The following SLC14A2 variants were observed in gnomAD, a reference collection of about 807,000 sequenced individuals.
The protein encoded by SLC14A2 is urea transporter 2.
A neutral mutation model predicts 104.6 loss-of-function variants in SLC14A2; 91 were observed. That is an observed-to-expected ratio of 0.87 (90% CI 0.73 to 1.04). The LOEUF (loss-of-function observed/expected upper bound fraction) is 1.04, where lower values mean the gene tolerates loss of function less well. Ranked by LOEUF, SLC14A2 falls within the 50% of genes least tolerant of loss-of-function variation. The pLI, the probability that SLC14A2 is intolerant of heterozygous loss-of-function variation, is 0.00. For synonymous variants in SLC14A2, 476 were observed against 466.4 expected (o/e 1.02, Z -0.27); for missense variants, 1,189 against 1,156.0 (o/e 1.03, Z -0.41).
intron 10 of SLC14A2, among the ~76,000 whole-genome samples, chr18:45,662,292 A>G (rs954143410): frequency 1.3e-5 from 2 of 151,540 alleles, no homozygotes; most frequent in African/African-American, 2.4e-5. Context: ...ACAGAGCAAG[A>G]CTCCGTCTTA....
intron 1 of SLC14A2, among the ~76,000 whole-genome samples, chr18:45,247,190 CT>C (rs1194042920): frequency 6.6e-6 from 1 of 152,218 alleles, no homozygotes; most frequent in Non-Finnish European, 1.5e-5. Flanking sequence ...TATTTCGGCA[CT>C]GTTAGCAGAA....
chr18:45,673,558 C>A (rs529082346), intron 17 of SLC14A2, 125 bp from the exon 18 acceptor site: 6 of 1,072,444 alleles, frequency 5.6e-6, no homozygotes, highest in Non-Finnish European at 8.0e-6. Flanking sequence ...GCCAGAAGTC[C>A]TTTTTGTATA....
intron 1 of SLC14A2, among the ~76,000 whole-genome samples, chr18:45,263,658 T>C (rs538903938): frequency 3.9e-5 from 6 of 152,328 alleles, no homozygotes; most frequent in East Asian, 3.9e-4. Flanking sequence ...GTTTCTCCTA[T>C]GTTTTTTAAG....
chr18:45,536,520 A>C (rs2043786664), intron 2 of SLC14A2, among the ~76,000 whole-genome samples: 1 of 152,164 alleles, frequency 6.6e-6, no homozygotes, highest in African/African-American at 2.4e-5. Context: ...CTCTGTCTTC[A>C]CATGGCCTTC....
At chr18:45,317,344 A>G (rs926102014) in intron 1 of SLC14A2, among the ~76,000 whole-genome samples, 7 of 152,200 alleles carry the variant, frequency 4.6e-5, no homozygotes, top group African/African-American at 1.2e-4. Flanking sequence ...ACATCATGCT[A>G]TGTTCTCAAA....
chr18:45,214,425 C>T (rs1329941924), intron 1 of SLC14A2, among the ~76,000 whole-genome samples: 2 of 152,148 alleles, frequency 1.3e-5, no homozygotes, highest in African/African-American at 4.8e-5. Flanking sequence ...TTTCATTATG[C>T]TTGAAGTTGC....
intron 1 of SLC14A2, among the ~76,000 whole-genome samples, chr18:45,391,495 C>G (rs550939709): frequency 6.6e-6 from 1 of 152,162 alleles, no homozygotes; most frequent in East Asian, 1.9e-4. Context: ...CCTGAGGAAT[C>G]GCCCCACTGA....
At chr18:45,266,285 G>A (rs116276999) in intron 1 of SLC14A2, among the ~76,000 whole-genome samples, 56 of 152,220 alleles carry the variant, frequency 3.7e-4, no homozygotes, top group Middle Eastern at 3.4e-3. Context: ...CACCTGTGCT[G>A]GTGCATCTAA....
chr18:45,398,840 A>G (rs187091656), intron 1 of SLC14A2, among the ~76,000 whole-genome samples: 10 of 152,292 alleles, frequency 6.6e-5, no homozygotes, highest in Admixed American at 6.5e-4. Context: ...GAGAGAATAA[A>G]TAGTAATTGT....
intron 2 of SLC14A2, among the ~76,000 whole-genome samples, chr18:45,502,548 C>T (rs72912678): frequency 0.19 from 28,323 of 152,142 alleles, 2,691 homozygotes; most frequent in East Asian, 0.21. Context: ...ATATCATAAA[C>T]ATGGGCAACA....
intron 2 of SLC14A2, among the ~76,000 whole-genome samples, chr18:45,579,805 G>A (rs2044462976): frequency 6.6e-6 from 1 of 152,182 alleles, no homozygotes; most frequent in Non-Finnish European, 1.5e-5. Flanking sequence ...AACAGAAAAA[G>A]GGGCAGCAAA....
At position 45,626,947 on chromosome 18, in the gene SLC14A2, GTC is replaced by G. The variant is rs1466264676; in HGVS notation, c.332-7_332-6del. 6.2e-7 allele frequency: 1 copy of G among 1,605,114 alleles called. No homozygotes were observed. The highest frequency in any genetic ancestry group is 1.3e-5 in the African/African-American group (1 of 74,710). ...TGGACCTGCTGATGGCTCGCTCTCT[GTC>G]TCTTTCAGACAAGCACCTTGCCCTC... On this transcript the variant is annotated splice_polypyrimidine_tract_variant and intron_variant, in intron 3 of 19. Coordinates refer to ENST00000255226, the MANE Select transcript of SLC14A2 (RefSeq NM_007163.4).
intron 11 of SLC14A2, among the ~76,000 whole-genome samples, chr18:45,665,381 C>A (rs781157453): frequency 2.0e-5 from 3 of 152,136 alleles, no homozygotes; most frequent in Non-Finnish European, 4.4e-5. Context: ...AATTGGTGGT[C>A]TCTAAAAGTA....
chr18:45,598,710 G>T (rs2044747669), intron 2 of SLC14A2, among the ~76,000 whole-genome samples: 1 of 152,154 alleles, frequency 6.6e-6, no homozygotes, highest in African/African-American at 2.4e-5. Flanking sequence ...TGCATTGGCG[G>T]TGGGCATCAG....
At chr18:45,370,311 G>T (rs1243209855) in intron 1 of SLC14A2, among the ~76,000 whole-genome samples, 2 of 152,124 alleles carry the variant, frequency 1.3e-5, no homozygotes, top group Non-Finnish European at 2.9e-5. Flanking sequence ...AGCCACAAGG[G>T]AAGATTCAGG....
chr18:45,349,055 C>T (rs2085476740), intron 1 of SLC14A2, among the ~76,000 whole-genome samples: 1 of 152,224 alleles, frequency 6.6e-6, no homozygotes, highest in African/African-American at 2.4e-5. Context: ...CAGTACAATT[C>T]ATGACAGCCT....
intron 2 of SLC14A2, among the ~76,000 whole-genome samples, chr18:45,534,537 A>G (rs1395283564): frequency 6.6e-6 from 1 of 152,142 alleles, no homozygotes; most frequent in Non-Finnish European, 1.5e-5. Flanking sequence ...CGTAAATTTA[A>G]TCCTCTAATG....
chr18:45,655,403 C>T (rs1031188613), intron 10 of SLC14A2, among the ~76,000 whole-genome samples: 2 of 152,132 alleles, frequency 1.3e-5, no homozygotes, highest in Non-Finnish European at 2.9e-5. Flanking sequence ...AGGTAGTGTC[C>T]GGCCTCTACC....
At chr18:45,233,563 A>G (rs1768738111) in intron 1 of SLC14A2, among the ~76,000 whole-genome samples, 1 of 152,126 alleles carries the variant, frequency 6.6e-6, no homozygotes, top group Non-Finnish European at 1.5e-5. Flanking sequence ...AGGCAGAAAA[A>G]GTAATCTCTG....
Sources: allele counts gnomAD v4.1 joint callset (sites outside exome capture counted in the v4.1 genomes callset), GRCh38; gene constraint gnomAD v4.1.1; transcripts MANE v1.5; gene names NCBI Gene and HGNC (gene_info 2026-07-23, HGNC 2026-07-21).